KLHL28: variants seen among roughly 807,000 people sequenced by gnomAD.
The protein encoded by KLHL28 is kelch like family member 28.
A neutral mutation model predicts 48.3 loss-of-function variants in KLHL28; 22 were observed. That is an observed-to-expected ratio of 0.46 (90% CI 0.33 to 0.65). The LOEUF (loss-of-function observed/expected upper bound fraction) is 0.65. KLHL28 is among the 30% of genes least tolerant of loss of function. KLHL28 has a pLI of 0.03. For synonymous variants in KLHL28, 243 were observed against 242.4 expected, an observed-to-expected ratio of 1.00 and a Z score of -0.02; for missense variants, 527 against 704.3, an observed-to-expected ratio of 0.75 and a Z score of 2.85.
At chr14:44,941,108 G>A (rs73334157) in intron 2 of KLHL28, among the ~76,000 whole-genome samples, 15,158 of 151,602 alleles carry the variant, frequency 0.1, 1,039 homozygotes, top group African/African-American at 0.19. Flanking sequence ...GCGACAGAGC[G>A]AGATGCCGTC....
At position 44,945,906 on chromosome 14, in the gene KLHL28, T is replaced by TAC; in HGVS notation, c.22_23insGT (p.Tyr8CysfsTer7). On this transcript the variant is annotated frameshift_variant, in exon 2 of 5. Coordinates refer to ENST00000396128, the MANE Select transcript of KLHL28 (RefSeq NM_017658.5). LOFTEE classifies it high-confidence loss of function. ...CAAGTGGGTTAAGTTAGCAAGCATGTAGGTCGGGGATGTGTGGTCCATCTA... is the reference window on the plus strand; with the variant it reads ...CAAGTGGGTTAAGTTAGCAAGCATGTACAGGTCGGGGATGTGTGGTCCATCTA... The TAC allele has an allele frequency of 6.2e-7, 1 of 1,613,272 alleles. No individual in the cohort carries two copies. The highest frequency in any genetic ancestry group is 1.1e-5 in the South Asian group (1 of 91,080).
intron 1 of KLHL28, 119 bp from the exon 2 acceptor site, chr14:44,946,047 A>G (rs930592877): frequency 1.2e-5 from 9 of 776,708 alleles, no homozygotes; most frequent in African/African-American, 3.5e-5. Flanking sequence ...ATTGGTTTTT[A>G]AATACTTCAT....
chr14:44,946,078 G>C lies in KLHL28; in HGVS notation c.1-150C>G. The C allele has an allele frequency of 4.7e-6, 3 of 632,440 alleles. No homozygotes were observed. In the South Asian group the frequency reaches 6.3e-5, roughly 13 times the overall value. The allele number at this position is 632,440 out of a possible 1,614,324, so 39.2% of individuals were successfully genotyped here. ...TTCATAGTAAATACTAGAACTAGAGGCTTTCAGAGTTAGAAGAGATTTAAC... is the reference window on the plus strand; with the variant it reads ...TTCATAGTAAATACTAGAACTAGAGCCTTTCAGAGTTAGAAGAGATTTAAC... On this transcript the variant is annotated intron_variant, in intron 1 of 4. Transcript: ENST00000396128.
chr14:44,955,749 G>A (rs1480849044), intron 1 of KLHL28, among the ~76,000 whole-genome samples: 3 of 152,178 alleles, frequency 2.0e-5, no homozygotes, highest in Non-Finnish European at 2.9e-5. Context: ...TTGCACAACT[G>A]CACTCCAGCC....
chr14:44,961,925 T>G lies in KLHL28; in HGVS notation c.-80A>C, dbSNP rs1416654778. On this transcript the variant is annotated 5_prime_UTR_variant, in exon 1 of 5. Transcript: ENST00000396128. ...GAGCCTGGGCTGGATCCTCACTAGC[T>G]CCGGTCAAACCCTAACTCTTACGGG... 1.3e-5 allele frequency: 2 copies of G among 153,614 alleles called. No homozygotes were observed. The highest frequency in any genetic ancestry group is 2.9e-5 in the Non-Finnish European group (2 of 69,010). The allele number at this position is 153,614 out of a possible 1,614,324, so 9.5% of individuals were successfully genotyped here. A position where few individuals can be genotyped will look rare whatever the true frequency, so the allele number is the denominator to read the frequency against.
chr14:44,960,231 C>G (rs1884975119), intron 1 of KLHL28, among the ~76,000 whole-genome samples: 1 of 152,240 alleles, frequency 6.6e-6, no homozygotes, highest in African/African-American at 2.4e-5. Flanking sequence ...ATCCACGTCT[C>G]TCATTTAAGA....
rs900618561 is a variant in KLHL28, at chr14:44,927,411, A to C, written c.*1617T>G. On this transcript the variant is annotated 3_prime_UTR_variant, in exon 5 of 5. Coordinates refer to ENST00000396128, the MANE Select transcript of KLHL28 (RefSeq NM_017658.5). ...AGAACATTATGGCACTTAAGAATAT[A>C]ATATGAATTTTTTTCTTAAGAAAAA... 1.2e-4 allele frequency: 18 copies of C among 152,582 alleles called. No homozygotes were observed. The highest frequency in any genetic ancestry group is 3.4e-4 in the African/African-American group (14 of 41,446). The allele number at this position is 152,582 out of a possible 1,614,324, so 9.5% of individuals were successfully genotyped here. A position where few individuals can be genotyped will look rare whatever the true frequency, so the allele number is the denominator to read the frequency against.
intron 2 of KLHL28, among the ~76,000 whole-genome samples, chr14:44,939,721 T>C (rs1286973612): frequency 6.6e-6 from 1 of 151,988 alleles, no homozygotes; most frequent in African/African-American, 2.4e-5. Context: ...ATTCTGATCA[T>C]GCCCACTTAA....
intron 1 of KLHL28, among the ~76,000 whole-genome samples, chr14:44,956,567 G>A (rs1480304404): frequency 6.6e-6 from 1 of 152,074 alleles, no homozygotes; most frequent in Non-Finnish European, 1.5e-5. Context: ...CCAGAAAGAT[G>A]CAATTAGCAA....
rs544393993 is a variant in KLHL28, at chr14:44,934,515, C to A, written c.943G>T (p.Ala315Ser). Residue 315 changes from alanine (A) to serine (S), a missense_variant, in exon 3 of 5, where the codon GCA becomes TCA. Transcript: ENST00000396128. ...FPQNDSWIGL[A>S]PLNIPRYEFG... ...TCATAGCGAGGAATGTTTAGGGGTG[C>A]CAAACCAATCCAAGAGTCATTCTGA... The A allele has an allele frequency of 1.0e-5, 16 of 1,607,946 alleles. No individual in the cohort carries two copies. Among genetic ancestry groups the A allele is most frequent in the Non-Finnish European group, 1.4e-5 (16 of 1,177,126 alleles).
At chr14:44,948,549 T>G (rs1475479896) in intron 1 of KLHL28, among the ~76,000 whole-genome samples, 1 of 152,106 alleles carries the variant, frequency 6.6e-6, no homozygotes, top group Non-Finnish European at 1.5e-5. Context: ...CTGAAAGTGA[T>G]TCTCTAAAGT....
chr14:44,960,999 CAA>C (rs529613436), intron 1 of KLHL28: 260 of 660,062 alleles, frequency 3.9e-4, no homozygotes, highest in Admixed American at 6.2e-4. Context: ...ATTATTCCTT[CAA>C]AAAAAAAAAA....
In KLHL28 at chr14:44,928,995, C is replaced by T. The variant is rs766065391; in HGVS notation, c.*33G>A. ...CCGGATGTTCATGCAGTACAAGTTT[C>T]ACCACCATACTATTTCCGAGAGTTC... On this transcript the variant is annotated 3_prime_UTR_variant, in exon 5 of 5. Transcript: ENST00000396128. 7 of 1,607,124 alleles carry T rather than the reference C, an allele frequency of 4.4e-6. No homozygotes were observed. In the Admixed American group the frequency reaches 1.0e-4, roughly 23 times the overall value.
At chr14:44,958,018 G>A (rs1884864509) in intron 1 of KLHL28, among the ~76,000 whole-genome samples, 1 of 149,608 alleles carries the variant, frequency 6.7e-6, no homozygotes, top group South Asian at 2.1e-4. Context: ...TCCAGTATTT[G>A]CCTAAAAGCA....
intron 2 of KLHL28, among the ~76,000 whole-genome samples, chr14:44,940,916 A>T (rs983866424): frequency 1.3e-5 from 2 of 152,128 alleles, no homozygotes; most frequent in African/African-American, 4.8e-5. Flanking sequence ...CCTGACCAAC[A>T]TGGTGAAACC....
chr14:44,944,329 C>T (rs994264286), intron 2 of KLHL28, among the ~76,000 whole-genome samples: 6 of 152,172 alleles, frequency 3.9e-5, no homozygotes, highest in Non-Finnish European at 8.8e-5. Flanking sequence ...TGTTCATTCA[C>T]TTATGTATTA....
intron 2 of KLHL28, 95 bp downstream of exon 2, chr14:44,944,935 G>C (rs536772523): frequency 6.5e-4 from 615 of 951,150 alleles, no homozygotes; most frequent in Non-Finnish European, 8.6e-4. Context: ...AAAGTAAAAA[G>C]GAAAATCAAA....
intron 4 of KLHL28, 140 bp from the exon 5 acceptor site, chr14:44,929,331 G>T (rs748760708): frequency 1.6e-4 from 123 of 754,264 alleles, no homozygotes; most frequent in Non-Finnish European, 2.3e-4. Flanking sequence ...GCAATATACA[G>T]TAGTCCTCCC....
At chr14:44,960,686 C>T (rs777387035) in intron 1 of KLHL28, among the ~76,000 whole-genome samples, 3 of 152,018 alleles carry the variant, frequency 2.0e-5, no homozygotes, top group East Asian at 3.9e-4. Context: ...TACACAGCCT[C>T]ATTTACATTA....
Sources: allele counts gnomAD v4.1 joint callset (sites outside exome capture counted in the v4.1 genomes callset), GRCh38; gene constraint gnomAD v4.1.1; transcripts MANE v1.5; gene names NCBI Gene and HGNC (gene_info 2026-07-23, HGNC 2026-07-21).